The following PTPN20 variants were observed in gnomAD, a reference collection of about 807,000 sequenced individuals.
The protein encoded by PTPN20 is tyrosine-protein phosphatase non-receptor type 20.
A neutral mutation model predicts 35.0 loss-of-function variants in PTPN20; 9 were observed. The observed-to-expected ratio is 0.26, with a 90% CI of 0.15 to 0.45. The LOEUF (loss-of-function observed/expected upper bound fraction) is 0.45. Ranked by LOEUF, PTPN20 falls within the 20% of genes least tolerant of loss-of-function variation. PTPN20 has a pLI of 1.00. For synonymous variants in PTPN20, 32 were observed against 100.2 expected (o/e 0.32, Z 4.06); for missense variants, 111 against 312.5 (o/e 0.36, Z 4.86).
chr10:46,953,288 A>G (rs1238429935), intron 5 of PTPN20, among the ~76,000 whole-genome samples: 1 of 146,258 alleles, frequency 6.8e-6, no homozygotes, highest in Non-Finnish European at 1.5e-5. Context: ...TGGTGAATAA[A>G]CACAGTTTTA....
At chr10:46,932,585 G>T (rs1169396329) in intron 2 of PTPN20, 52 bp downstream of exon 2, 1 of 1,604,946 alleles carries the variant, frequency 6.2e-7, no homozygotes, top group Non-Finnish European at 8.5e-7. Flanking sequence ...AGCTACAGGA[G>T]TGCCTCTCAG....
intron 5 of PTPN20, among the ~76,000 whole-genome samples, chr10:46,947,063 T>G (rs1172305149): frequency 7.2e-6 from 1 of 139,788 alleles, no homozygotes; most frequent in African/African-American, 2.6e-5. Flanking sequence ...TATCACATGT[T>G]TATAGTGGAA....
At chr10:47,000,543 G>A in intron 10 of PTPN20, 133 bp from the exon 11 acceptor site, 1 of 944,510 alleles carries the variant, frequency 1.1e-6, no homozygotes, top group South Asian at 1.6e-5. Context: ...AAGTTCTTAA[G>A]TGTTTATAGT....
At chr10:46,983,065 C>CG (rs2055961768) in intron 7 of PTPN20, among the ~76,000 whole-genome samples, 1 of 101,940 alleles carries the variant, frequency 9.8e-6, no homozygotes, top group Non-Finnish European at 2.0e-5. Context: ...ATATATCTAG[C>CG]TTTTTTTTTT....
At chr10:46,976,193 A>C (rs1167531875) in intron 7 of PTPN20, among the ~76,000 whole-genome samples, 1 of 123,508 alleles carries the variant, frequency 8.1e-6, no homozygotes, top group African/African-American at 3.0e-5. Flanking sequence ...TCTTGGCTTC[A>C]AGTGATCCTT....
chr10:46,935,956 C>G (rs1201593676), intron 2 of PTPN20, among the ~76,000 whole-genome samples: 1 of 150,758 alleles, frequency 6.6e-6, no homozygotes, highest in Non-Finnish European at 1.5e-5. Context: ...ACCTCACAAA[C>G]ATTTTTTTTT....
chr10:46,997,710 T>A (rs2059384900), intron 9 of PTPN20, among the ~76,000 whole-genome samples: 1 of 143,398 alleles, frequency 7.0e-6, no homozygotes. Context: ...CCCTCAAAAA[T>A]CAATAGTTAA....
At chr10:46,997,575 A>G (rs1211052184) in intron 9 of PTPN20, among the ~76,000 whole-genome samples, 7 of 151,890 alleles carry the variant, frequency 4.6e-5, no homozygotes, top group African/African-American at 1.4e-4. Flanking sequence ...GAGGGAAAGC[A>G]AACTAAAATT....
In PTPN20 at chr10:47,000,717, T is replaced by C; in HGVS notation, c.1239T>C (p.Leu413=). 2.5e-6 allele frequency: 4 copies of C among 1,613,604 alleles called. No individual in the cohort carries two copies. Among genetic ancestry groups the C allele is most frequent in the Non-Finnish European group, 3.4e-6 (4 of 1,179,582 alleles). ...GTTACGATATTGTGCTTGAAGTTCT[T>C]CGGAAACTTCTGACTTTGGATTAAG... ...HFCYDIVLEV[L]RKLLTLD is the part of the protein sequence containing the mutation. Residue 413 remains leucine (L), a synonymous_variant, in exon 11 of 11, where the codon CTT becomes CTC. Transcript: ENST00000374339.
chr10:46,953,334 C>CTT (rs1324277874), intron 5 of PTPN20, among the ~76,000 whole-genome samples: 99 of 118,888 alleles, frequency 8.3e-4, no homozygotes, highest in Non-Finnish European at 1.4e-3. Context: ...CCTTTCATTT[C>CTT]TTTTCTTTCT....
At chr10:46,937,472 C>T (rs1243738016) in intron 2 of PTPN20, among the ~76,000 whole-genome samples, 2 of 151,950 alleles carry the variant, frequency 1.3e-5, no homozygotes, top group African/African-American at 4.8e-5. Context: ...TTTGGCATTC[C>T]AGTTACAGGA....
chr10:46,941,713 G>T (rs2043579007), intron 3 of PTPN20, among the ~76,000 whole-genome samples: 1 of 151,086 alleles, frequency 6.6e-6, no homozygotes, highest in Non-Finnish European at 1.5e-5. Context: ...TTGTTTGTTT[G>T]TTTGTTTTTT....
At chr10:46,929,373 T>C (rs1371244442) in intron 1 of PTPN20, among the ~76,000 whole-genome samples, 2 of 149,166 alleles carry the variant, frequency 1.3e-5, no homozygotes, top group African/African-American at 2.5e-5. Flanking sequence ...TTCTATACTA[T>C]TGCACCTTCC....
At chr10:46,937,277 T>C (rs1271695840) in intron 2 of PTPN20, among the ~76,000 whole-genome samples, 1 of 147,110 alleles carries the variant, frequency 6.8e-6, no homozygotes, top group Non-Finnish European at 1.5e-5. Flanking sequence ...TTTGTTTTTC[T>C]ATATTTAATG....
intron 2 of PTPN20, among the ~76,000 whole-genome samples, chr10:46,940,370 G>T (rs1199349499): frequency 1.4e-5 from 2 of 146,296 alleles, no homozygotes; most frequent in Non-Finnish European, 3.0e-5. Flanking sequence ...ATGGCAATGA[G>T]GAACAAGGGA....
Position 47,000,696 on chromosome 10 carries a change from C to T in PTPN20, c.1218C>T (p.Tyr406=), listed in dbSNP as rs900829441. Residue 406 remains tyrosine (Y), a synonymous_variant, in exon 11 of 11, where the codon TAC becomes TAT. Transcript: ENST00000374339. ...VQTKEQYHFC[Y]DIVLEVLRKL... is the part of the protein sequence containing the mutation. ...TATAGGAGCAGTATCACTTTTGTTA[C>T]GATATTGTGCTTGAAGTTCTTCGGA... is the stretch of plus-strand genomic sequence containing the variant. The T allele has an allele frequency of 6.1e-4, 981 of 1,613,388 alleles. 6 individuals carry two copies. The African/African-American group carries it at 0.011, about 18-fold the overall frequency.
intron 5 of PTPN20, among the ~76,000 whole-genome samples, chr10:46,953,379 C>CTT (rs1175044167): frequency 7.3e-6 from 1 of 137,018 alleles, no homozygotes; most frequent in Non-Finnish European, 1.5e-5. Context: ...TTCTTTCTTT[C>CTT]TTTCTTTCTT....
At chr10:46,997,212 T>C (rs1206934003) in intron 9 of PTPN20, among the ~76,000 whole-genome samples, 4 of 152,208 alleles carry the variant, frequency 2.6e-5, no homozygotes, top group Non-Finnish European at 5.9e-5. Flanking sequence ...CCCTATTCAT[T>C]TTCTTTGGAG....
intron 6 of PTPN20, among the ~76,000 whole-genome samples, chr10:46,966,121 T>C (rs2050535001): frequency 6.6e-6 from 1 of 150,692 alleles, no homozygotes; most frequent in Non-Finnish European, 1.5e-5. Flanking sequence ...TTTCACCATG[T>C]TGGCCAGGGC....
Sources: allele counts gnomAD v4.1 joint callset (sites outside exome capture counted in the v4.1 genomes callset), GRCh38; gene constraint gnomAD v4.1.1; transcripts MANE v1.5; gene names NCBI Gene and HGNC (gene_info 2026-07-23, HGNC 2026-07-21).